The following NXPH1 variants were observed in gnomAD, a reference collection of about 807,000 sequenced individuals.
NXPH1 encodes the protein neurexophilin-1.
In NXPH1, 5 loss-of-function variants were observed where a neutral mutation model predicts 23.7. The observed-to-expected ratio is 0.21, with a 90% CI of 0.11 to 0.44. The LOEUF is 0.44. Among genes scored for constraint, NXPH1 ranks in the 20% least tolerant of loss-of-function variants. The pLI is 0.99. For synonymous variants in NXPH1, 144 were observed against 122.2 expected (o/e 1.18, Z -1.18); for missense variants, 324 against 321.6 (o/e 1.01, Z -0.06).
At chr7:8,689,771 C>A (rs757430015) in intron 2 of NXPH1, among the ~76,000 whole-genome samples, 20 of 152,138 alleles carry the variant, frequency 1.3e-4, no homozygotes, top group Non-Finnish European at 2.2e-4. Context: ...AAGGGTGGAA[C>A]TGAGAGGATA....
chr7:8,493,196 C>T (rs763280166), intron 2 of NXPH1, among the ~76,000 whole-genome samples: 53 of 151,882 alleles, frequency 3.5e-4, no homozygotes, highest in Non-Finnish European at 6.0e-4. Context: ...ATTTTCTGCC[C>T]CCCAAATAAT....
At chr7:8,683,543 C>G (rs974949324) in intron 2 of NXPH1, among the ~76,000 whole-genome samples, 17 of 152,060 alleles carry the variant, frequency 1.1e-4, no homozygotes, top group Non-Finnish European at 1.8e-4. Context: ...ATGATTCAGC[C>G]CAGTGTGCTT....
At chr7:8,719,132 C>A (rs146160014) in intron 2 of NXPH1, among the ~76,000 whole-genome samples, 1 of 152,292 alleles carries the variant, frequency 6.6e-6, no homozygotes. Flanking sequence ...CCTTTATAGT[C>A]TCTTAAAAAT....
At chr7:8,727,713 C>G (rs1780080558) in intron 2 of NXPH1, among the ~76,000 whole-genome samples, 2 of 152,060 alleles carry the variant, frequency 1.3e-5, no homozygotes, top group Admixed American at 6.6e-5. Context: ...GTTTTGGTAC[C>G]AGTACCATGC....
intron 2 of NXPH1, among the ~76,000 whole-genome samples, chr7:8,524,163 A>T (rs1372917646): frequency 1.4e-5 from 2 of 143,696 alleles, no homozygotes; most frequent in Non-Finnish European, 3.0e-5. Flanking sequence ...AATCGCTTGA[A>T]CCTGGGTGGT....
At chr7:8,607,797 G>C (rs1819526667) in intron 2 of NXPH1, among the ~76,000 whole-genome samples, 1 of 152,186 alleles carries the variant, frequency 6.6e-6, no homozygotes, top group South Asian at 2.1e-4. Context: ...TCTGGTTCCT[G>C]TGAATATGAC....
rs1386621302 is a variant in NXPH1, at chr7:8,434,608, G to A, written c.-258G>A. ...GGCGACTCCGCCAAAGCTGGACGAGGCAGCCGGACCCGTCTGCGCTCGAGC... is the reference window on the plus strand; with the variant it reads ...GGCGACTCCGCCAAAGCTGGACGAGACAGCCGGACCCGTCTGCGCTCGAGC... On this transcript the variant is annotated 5_prime_UTR_variant, in exon 1 of 3. Transcript: ENST00000405863. The surrounding 1 kb of genome is among the most constrained non-coding windows in gnomAD (Gnocchi z 7.6). 6.5e-6 allele frequency: 1 copy of A among 152,736 alleles called. No homozygotes were observed. The highest frequency in any genetic ancestry group is 2.4e-5 in the African/African-American group (1 of 41,462). 9.5% of individuals were successfully genotyped at this position (152,736 alleles called of 1,614,324 possible). A position where few individuals can be genotyped will look rare whatever the true frequency, so the allele number is the denominator to read the frequency against.
intron 2 of NXPH1, among the ~76,000 whole-genome samples, chr7:8,619,334 T>G (rs1256694667): frequency 2.0e-5 from 3 of 152,198 alleles, no homozygotes; most frequent in Non-Finnish European, 2.9e-5. Flanking sequence ...TCTGCTTCTA[T>G]TCTCTTGTTA....
intron 2 of NXPH1, among the ~76,000 whole-genome samples, chr7:8,551,834 G>GT (rs772738793): frequency 3.3e-5 from 5 of 151,336 alleles, no homozygotes; most frequent in Non-Finnish European, 7.4e-5. Flanking sequence ...TTTTCTCCAT[G>GT]TCCAACCATT....
At chr7:8,623,601 G>C (rs1191037382) in intron 2 of NXPH1, among the ~76,000 whole-genome samples, 1 of 150,256 alleles carries the variant, frequency 6.7e-6, no homozygotes, top group Non-Finnish European at 1.5e-5. Flanking sequence ...TTTGAATATA[G>C]ACTGGATTTT....
chr7:8,537,411 C>T (rs578201019), intron 2 of NXPH1, among the ~76,000 whole-genome samples: 28 of 152,024 alleles, frequency 1.8e-4, no homozygotes, highest in African/African-American at 6.7e-4. Context: ...AACTTACGAT[C>T]GTAGCAGAAG....
intron 2 of NXPH1, among the ~76,000 whole-genome samples, chr7:8,601,999 C>A (rs1270170489): frequency 6.6e-6 from 1 of 152,166 alleles, no homozygotes; most frequent in African/African-American, 2.4e-5. Flanking sequence ...TGCCTCCAAT[C>A]TCTTATATAT....
intron 2 of NXPH1, among the ~76,000 whole-genome samples, chr7:8,493,418 T>C (rs78428775): frequency 0.077 from 11,656 of 152,146 alleles, 586 homozygotes; most frequent in South Asian, 0.11. Flanking sequence ...GACTGCCTTA[T>C]GCTTTGACTT....
chr7:8,691,529 T>C (rs1338420750), intron 2 of NXPH1, among the ~76,000 whole-genome samples: 1 of 152,196 alleles, frequency 6.6e-6, no homozygotes, highest in African/African-American at 2.4e-5. Flanking sequence ...ACATGATTTT[T>C]TTAAAAAGCA....
chr7:8,451,344 A>C (rs973033556), intron 2 of NXPH1, among the ~76,000 whole-genome samples: 13 of 152,084 alleles, frequency 8.5e-5, no homozygotes, highest in African/African-American at 3.1e-4. Context: ...ATCGCTAATG[A>C]CTTTTGATTG....
intron 2 of NXPH1, among the ~76,000 whole-genome samples, chr7:8,569,141 T>G (rs1818602223): frequency 6.6e-6 from 1 of 151,910 alleles, no homozygotes. Flanking sequence ...ATGTGCATTC[T>G]AATCAATAAC....
chr7:8,544,409 A>G (rs982755920), intron 2 of NXPH1, among the ~76,000 whole-genome samples: 2 of 151,556 alleles, frequency 1.3e-5, no homozygotes, highest in Non-Finnish European at 1.5e-5. Flanking sequence ...GGCAAGCAAA[A>G]TCACCTGCAG....
rs71017614 is a variant in NXPH1, at chr7:8,667,461, G to GTTT, written c.55-83536_55-83534dup. On this transcript the variant is annotated intron_variant, in intron 2 of 2. Coordinates refer to ENST00000405863, the MANE Select transcript of NXPH1 (RefSeq NM_152745.3). The stretch of plus-strand genomic sequence containing the variant: ...TCAGGTGCAGTATTCTTGGTTGACA[G>GTTT]TTTTTTTTTTTTTCTCCGCAGCATT... 4.1e-5 allele frequency among the ~76,000 whole-genome samples: 6 copies of GTTT among 145,614 alleles called. No homozygotes were observed. In the East Asian group the frequency reaches 7.9e-4, roughly 19 times the overall value.
chr7:8,632,298 G>A (rs1820148252), intron 2 of NXPH1, among the ~76,000 whole-genome samples: 1 of 152,118 alleles, frequency 6.6e-6, no homozygotes, highest in African/African-American at 2.4e-5. Flanking sequence ...AACATCTCAT[G>A]GCTTTTCCAG....
Sources: gnomAD v4.1 joint callset for allele counts (sites outside exome capture counted in the v4.1 genomes callset) on GRCh38, gnomAD v4.1.1 for gene constraint, Gnocchi (gnomAD v3.1) non-coding constraint, MANE v1.5 for transcripts, NCBI Gene and HGNC (gene_info 2026-07-23, HGNC 2026-07-21) for gene names.